The following SGCD variants were observed in gnomAD, a reference collection of about 807,000 sequenced individuals.
SGCD encodes the protein delta-sarcoglycan.
A neutral mutation model predicts 36.6 loss-of-function variants in SGCD; 18 were observed. The ratio of observed to expected loss-of-function variants is 0.49; its 90% CI spans 0.34 to 0.73. SGCD has a LOEUF of 0.73. Among genes scored for constraint, SGCD ranks in the 30% least tolerant of loss-of-function variants. SGCD has a pLI of 0.01. For synonymous variants in SGCD, 133 were observed against 130.6 expected (o/e 1.02, Z -0.12); for missense variants, 387 against 346.7 (o/e 1.12, Z -0.92).
chr5:156,630,831 G>A (rs1353779695), intron 6 of SGCD, among the ~76,000 whole-genome samples: 3 of 152,118 alleles, frequency 2.0e-5, no homozygotes, highest in Non-Finnish European at 4.4e-5. Context: ...GACGAATTGG[G>A]AGATCTTAGG....
At chr5:156,004,898 A>C (rs559224865) in intron 1 of SGCD, among the ~76,000 whole-genome samples, 1 of 152,298 alleles carries the variant, frequency 6.6e-6, no homozygotes, top group East Asian at 1.9e-4. Context: ...GGAGGGCAAC[A>C]GTGGCACAGA....
chr5:156,714,554 C>CA (rs34283474), intron 7 of SGCD, among the ~76,000 whole-genome samples: 4,400 of 152,226 alleles, frequency 0.029, 196 homozygotes, highest in East Asian at 0.16. Context: ...GATCAGTTGA[C>CA]AAAAATGTCA....
At chr5:155,827,379 G>T in the SGCD span, among the ~76,000 whole-genome samples, 1 of 152,118 alleles carries the variant, frequency 6.6e-6, no homozygotes, top group African/African-American at 2.4e-5. Flanking sequence ...TTCTTGTATG[G>T]TGTCCACTAT....
chr5:156,202,989 T>C (rs1352411321), intron 3 of SGCD, among the ~76,000 whole-genome samples: 2 of 152,116 alleles, frequency 1.3e-5, no homozygotes, highest in Admixed American at 6.6e-5. Context: ...GTAAGAATTA[T>C]TAAAGCTTTG....
chr5:156,597,888 T>C (rs1488394954), intron 6 of SGCD, among the ~76,000 whole-genome samples: 1 of 152,124 alleles, frequency 6.6e-6, no homozygotes, highest in Non-Finnish European at 1.5e-5. Context: ...GTTGACACAA[T>C]TGAGCTGAGC....
At chr5:155,743,934 C>T in the SGCD span, among the ~76,000 whole-genome samples, 1 of 152,258 alleles carries the variant, frequency 6.6e-6, no homozygotes, top group Non-Finnish European at 1.5e-5. Flanking sequence ...AGAAGAGGAC[C>T]AAGTGTCCCT....
chr5:156,513,030 C>A (rs1757010292), intron 4 of SGCD, among the ~76,000 whole-genome samples: 1 of 151,652 alleles, frequency 6.6e-6, no homozygotes, highest in Non-Finnish European at 1.5e-5. Flanking sequence ...TGGATAACAT[C>A]AAAGCACAGA....
the SGCD span, among the ~76,000 whole-genome samples, chr5:155,735,277 T>C: frequency 5.3e-5 from 8 of 152,364 alleles, no homozygotes; most frequent in African/African-American, 1.9e-4. Context: ...TTTGGGCAAG[T>C]TTCTTTGTGA....
chr5:156,482,317 G>A (rs1007017538), intron 3 of SGCD, among the ~76,000 whole-genome samples: 5 of 151,750 alleles, frequency 3.3e-5, no homozygotes, highest in African/African-American at 4.8e-5. Flanking sequence ...TCCACTGTCC[G>A]ATATGGTAGC....
intron 6 of SGCD, among the ~76,000 whole-genome samples, chr5:156,604,124 G>C (rs578103619): frequency 2.0e-5 from 3 of 151,942 alleles, no homozygotes; most frequent in East Asian, 3.9e-4. Context: ...TTGTTGAATT[G>C]ATTCTTTTAT....
At chr5:156,398,642 C>G (rs533561081) in intron 3 of SGCD, among the ~76,000 whole-genome samples, 1 of 152,144 alleles carries the variant, frequency 6.6e-6, no homozygotes, top group African/African-American at 2.4e-5. Flanking sequence ...CAGATGTGAC[C>G]AAGTGCATAG....
intron 1 of SGCD, among the ~76,000 whole-genome samples, chr5:155,974,058 A>C (rs1459737078): frequency 1.3e-5 from 2 of 152,198 alleles, no homozygotes; most frequent in Non-Finnish European, 2.9e-5. Context: ...TGTCTGTTAA[A>C]GTAGCCCAAC....
chr5:156,382,289 C>A (rs964112627), intron 3 of SGCD, among the ~76,000 whole-genome samples: 5 of 152,086 alleles, frequency 3.3e-5, no homozygotes, highest in African/African-American at 4.8e-5. Context: ...CTGAAAGAAG[C>A]CAGCGAGAAT....
intron 3 of SGCD, among the ~76,000 whole-genome samples, chr5:156,208,544 G>T (rs1041277453): frequency 2.6e-5 from 4 of 152,150 alleles, no homozygotes; most frequent in African/African-American, 9.7e-5. Flanking sequence ...AAAGGATTGG[G>T]GGTTATCTGG....
At chr5:156,043,021 T>A (rs1759676212) in intron 1 of SGCD, among the ~76,000 whole-genome samples, 1 of 152,170 alleles carries the variant, frequency 6.6e-6, no homozygotes, top group African/African-American at 2.4e-5. Context: ...AACATTAGCT[T>A]GGCCCAACCC....
chr5:156,466,281 C>T (rs1754718488), intron 3 of SGCD, among the ~76,000 whole-genome samples: 1 of 152,144 alleles, frequency 6.6e-6, no homozygotes, highest in African/African-American at 2.4e-5. Context: ...GTAAAGGCTT[C>T]TACAAAGACT....
At position 156,607,846 on chromosome 5, in the gene SGCD, T is replaced by G. The variant is rs576206901; in HGVS notation, c.502+12795T>G. Among the ~76,000 whole-genome samples the G allele has an allele frequency of 1.8e-4, 28 of 152,260 alleles. No homozygotes were observed. The South Asian group carries it at 4.8e-3, about 26-fold the overall frequency. ...GTTTATTTGTGTAGAGGTGTTTATA[T>G]TATTCTCTGATGGTAGTTTGTATTT... On this transcript the variant is annotated intron_variant, in intron 6 of 8. Transcript: ENST00000337851.
At chr5:156,685,055 T>C (rs1201449971) in intron 7 of SGCD, among the ~76,000 whole-genome samples, 1 of 152,102 alleles carries the variant, frequency 6.6e-6, no homozygotes, top group African/African-American at 2.4e-5. Context: ...AAGTCAGATA[T>C]AGAAGCTTAA....
At chr5:156,672,976 C>T (rs918016460) in intron 7 of SGCD, among the ~76,000 whole-genome samples, 1 of 152,096 alleles carries the variant, frequency 6.6e-6, no homozygotes, top group Non-Finnish European at 1.5e-5. Flanking sequence ...TTTCTTGGTA[C>T]ACCCTAGGCT....
Sources: gnomAD v4.1 joint callset for allele counts (sites outside exome capture counted in the v4.1 genomes callset) on GRCh38, gnomAD v4.1.1 for gene constraint, MANE v1.5 for transcripts, NCBI Gene and HGNC (gene_info 2026-07-23, HGNC 2026-07-21) for gene names.